DENND5B: variants seen among roughly 807,000 people sequenced by gnomAD.
DENND5B encodes DENN domain containing 5B, also known as DENN domain-containing protein 5B.
Under a neutral mutation model 140.6 loss-of-function variants are expected in DENND5B, and 34 were observed. That is an observed-to-expected ratio of 0.24 (90% confidence interval 0.18 to 0.32). The LOEUF (loss-of-function observed/expected upper bound fraction) is 0.32, where lower values mean the gene tolerates loss of function less well. Ranked by LOEUF, DENND5B falls within the 10% of genes least tolerant of loss-of-function variation. The pLI is 1.00. For missense variants in DENND5B, 1,142 were observed against 1,560.2 expected (o/e 0.73, Z 4.52); for synonymous variants, 551 against 562.1 (o/e 0.98, Z 0.28).
At chr12:31,539,290 G>T (rs1297245970) in intron 1 of DENND5B, among the ~76,000 whole-genome samples, 1 of 152,082 alleles carries the variant, frequency 6.6e-6, no homozygotes, top group African/African-American at 2.4e-5. Flanking sequence ...CTTCACTACA[G>T]AAGTCTACCA....
intron 11 of DENND5B, among the ~76,000 whole-genome samples, chr12:31,421,862 T>TC: frequency 6.6e-6 from 1 of 152,214 alleles, no homozygotes; most frequent in Non-Finnish European, 1.5e-5. Flanking sequence ...CTCATTACTA[T>TC]TTTTTTAACA....
chr12:31,526,450 T>C (rs955543590), intron 1 of DENND5B, among the ~76,000 whole-genome samples: 3 of 152,216 alleles, frequency 2.0e-5, no homozygotes, highest in Non-Finnish European at 2.9e-5. Context: ...AACAATGCCC[T>C]GTAGCTATAT....
intron 11 of DENND5B, among the ~76,000 whole-genome samples, chr12:31,418,682 G>C (rs1185156297): frequency 6.6e-6 from 1 of 152,112 alleles, no homozygotes; most frequent in Non-Finnish European, 1.5e-5. Flanking sequence ...TGGCCACACA[G>C]GCGGTAAGAA....
chr12:31,384,025 A>C lies in DENND5B; in HGVS notation c.*3578T>G, dbSNP rs1940746218. ...AGATGTAATCCTAAAGCAATGTATTAATTTAAAAAATTACCACAGCAGAAA... is the reference window on the plus strand; with the variant it reads ...AGATGTAATCCTAAAGCAATGTATTCATTTAAAAAATTACCACAGCAGAAA... On this transcript the variant is annotated 3_prime_UTR_variant, in exon 21 of 21. Transcript: ENST00000389082. The C allele has an allele frequency of 6.6e-6, 1 of 152,198 alleles. No individual in the cohort carries two copies. Among genetic ancestry groups the C allele is most frequent in the Non-Finnish European group, 1.5e-5 (1 of 68,038 alleles). The allele number at this position is 152,198 out of a possible 1,614,324, so 9.4% of individuals were successfully genotyped here.
At chr12:31,446,581 T>C (rs556630096) in intron 6 of DENND5B, among the ~76,000 whole-genome samples, 3 of 152,260 alleles carry the variant, frequency 2.0e-5, no homozygotes, top group East Asian at 1.9e-4. Context: ...TTCTTGGATA[T>C]AGAGAAGAGG....
chr12:31,411,257 C>T (rs986704466), intron 13 of DENND5B, among the ~76,000 whole-genome samples: 3 of 150,674 alleles, frequency 2.0e-5, no homozygotes, highest in Non-Finnish European at 4.4e-5. Context: ...AGGCTAGTCT[C>T]GAACTCCTGA....
intron 1 of DENND5B, among the ~76,000 whole-genome samples, chr12:31,546,440 A>G (rs1948863200): frequency 6.6e-6 from 1 of 151,972 alleles, no homozygotes; most frequent in African/African-American, 2.4e-5. Flanking sequence ...TAATCCCAGC[A>G]CTCTGGAAGG....
intron 1 of DENND5B, chr12:31,506,303 T>C (rs1179284537): frequency 6.6e-6 from 1 of 152,190 alleles, no homozygotes; most frequent in Non-Finnish European, 1.5e-5. Flanking sequence ...TTTATTTTTT[T>C]AAAGGCCAGT....
intron 1 of DENND5B, among the ~76,000 whole-genome samples, chr12:31,498,969 T>G (rs1261772240): frequency 1.2e-5 from 1 of 81,210 alleles, no homozygotes; most frequent in African/African-American, 6.5e-5. Flanking sequence ...TAAGGCTCCG[T>G]CTCAAAAAAA....
rs1940796625 is a variant in DENND5B at position 31,385,210 on chromosome 12, AGTATAATAGAAAGAC to A, written c.*2378_*2392del. The stretch of plus-strand genomic sequence containing the variant: ...ATAGGTGGATGAATAAAGATCCAAT[AGTATAATAGAAAGAC>A]TATTAGTAAGAATGCCGGAAGGTCA... On this transcript the variant is annotated 3_prime_UTR_variant, in exon 21 of 21. Coordinates refer to ENST00000389082, the MANE Select transcript of DENND5B (RefSeq NM_144973.4). The A allele has an allele frequency of 6.6e-6, 1 of 152,248 alleles. No homozygotes were observed. The highest frequency in any genetic ancestry group is 2.4e-5 in the African/African-American group (1 of 41,468). 9.4% of individuals were successfully genotyped at this position (152,248 alleles called of 1,614,324 possible). A position where few individuals can be genotyped will look rare whatever the true frequency, so the allele number is the denominator to read the frequency against.
chr12:31,444,566 T>C (rs1434281516), intron 6 of DENND5B, among the ~76,000 whole-genome samples: 2 of 152,102 alleles, frequency 1.3e-5, no homozygotes, highest in Non-Finnish European at 2.9e-5. Context: ...TCAAGAGTAT[T>C]ATATAATTTC....
intron 7 of DENND5B, among the ~76,000 whole-genome samples, chr12:31,442,092 A>T (rs1396345376): frequency 1.3e-5 from 2 of 152,214 alleles, no homozygotes; most frequent in Non-Finnish European, 2.9e-5. Flanking sequence ...TCAAGAGGGA[A>T]GATAGAGCCT....
At chr12:31,419,975 GAAAAAAAAAAAA>G (rs760912263) in intron 11 of DENND5B, 1 of 696,500 alleles carries the variant, frequency 1.4e-6, no homozygotes, top group African/African-American at 3.0e-5. Flanking sequence ...CTCCATCTCA[GAAAAAAAAAAAA>G]AAAAAAAAGG....
At chr12:31,519,481 G>T (rs1441043437) in intron 1 of DENND5B, among the ~76,000 whole-genome samples, 3 of 152,144 alleles carry the variant, frequency 2.0e-5, no homozygotes, top group South Asian at 2.1e-4. Context: ...TCATCTGCTG[G>T]ATTCAGTCTG....
chr12:31,567,645 A>C (rs948517437), intron 1 of DENND5B, among the ~76,000 whole-genome samples: 1 of 151,896 alleles, frequency 6.6e-6, no homozygotes, highest in Admixed American at 6.6e-5. Context: ...AGTTTTGAGC[A>C]AGCCACTCCT....
chr12:31,451,782 A>T, intron 5 of DENND5B, 158 bp downstream of exon 5: 1 of 814,894 alleles, frequency 1.2e-6, no homozygotes, highest in Non-Finnish European at 1.9e-6. Flanking sequence ...AAAAGTTCTT[A>T]ATGGGGCTGG....
intron 6 of DENND5B, among the ~76,000 whole-genome samples, chr12:31,444,810 TCTA>T (rs920182604): frequency 2.0e-5 from 3 of 152,256 alleles, no homozygotes; most frequent in African/African-American, 7.2e-5. Flanking sequence ...TTTCATTAAT[TCTA>T]CTTTCTCAAT....
chr12:31,447,861 CT>C, intron 5 of DENND5B, 92 bp from the exon 6 acceptor site: 1 of 882,392 alleles, frequency 1.1e-6, no homozygotes, highest in Non-Finnish European at 1.7e-6. Flanking sequence ...CAGGACATTC[CT>C]TTTTTAAATC....
chr12:31,587,538 T>TC, intron 1 of DENND5B, among the ~76,000 whole-genome samples: 1 of 83,766 alleles, frequency 1.2e-5, no homozygotes, highest in Non-Finnish European at 2.3e-5. Context: ...TTTTTTTTTT[T>TC]TTTTTTTTTT....
Sources: allele counts gnomAD v4.1 joint callset (sites outside exome capture counted in the v4.1 genomes callset), GRCh38; gene constraint gnomAD v4.1.1; transcripts MANE v1.5; gene names NCBI Gene and HGNC (gene_info 2026-07-23, HGNC 2026-07-21).